The following THSD7B variants were observed in gnomAD, a reference collection of about 807,000 sequenced individuals.
THSD7B encodes thrombospondin type 1 domain containing 7B, also known as thrombospondin type-1 domain-containing protein 7B.
THSD7B carries 138 observed loss-of-function variants against 213.6 expected under a neutral mutation model. The observed-to-expected ratio is 0.65, with a 90% CI of 0.56 to 0.74. The LOEUF is 0.74. THSD7B is among the 30% of genes least tolerant of loss of function. The pLI is 0.00. For synonymous variants in THSD7B, 742 were observed against 687.0 expected, an observed-to-expected ratio of 1.08 and a Z score of -1.25; for missense variants, 1,931 against 1,991.5, an observed-to-expected ratio of 0.97 and a Z score of 0.58.
chr2:137,245,306 T>C (rs1682001920), intron 10 of THSD7B, among the ~76,000 whole-genome samples: 1 of 152,186 alleles, frequency 6.6e-6, no homozygotes, highest in Non-Finnish European at 1.5e-5. Flanking sequence ...TTCTAATTTG[T>C]AAAATGGAGG....
chr2:137,103,514 A>T (rs1688187261), intron 4 of THSD7B, among the ~76,000 whole-genome samples: 1 of 152,218 alleles, frequency 6.6e-6, no homozygotes, highest in African/African-American at 2.4e-5. Flanking sequence ...TAATGACAGG[A>T]TCAAATTCAT....
At chr2:137,297,146 A>C (rs1683485507) in intron 12 of THSD7B, among the ~76,000 whole-genome samples, 2 of 147,740 alleles carry the variant, frequency 1.4e-5, no homozygotes, top group Admixed American at 6.9e-5. Context: ...GGCCTGGAGT[A>C]GTGGCTTGCA....
chr2:137,609,697 T>C (rs1682252663), intron 17 of THSD7B, among the ~76,000 whole-genome samples: 1 of 152,208 alleles, frequency 6.6e-6, no homozygotes, highest in South Asian at 2.1e-4. Context: ...GGAAGTCATT[T>C]AAGGGTATGG....
chr2:136,974,369 GC>G lies in THSD7B; in HGVS notation c.140-82047del, dbSNP rs932207977. On this transcript the variant is annotated intron_variant, in intron 2 of 27. Transcript: ENST00000409968. ...CCCCTGAACCCCCCGCCCCGCACAG[GC>G]CCCAGATTGTGTTGTTCTCCTCCCT... Among the ~76,000 whole-genome samples the G allele has an allele frequency of 5.9e-5, 9 of 152,006 alleles. No homozygotes were observed. The Middle Eastern group carries it at 0.017, about 289-fold the overall frequency.
In THSD7B at chr2:137,558,882, C is replaced by T. The variant is rs534062604; in HGVS notation, c.3139-4339C>T. 2.0e-5 allele frequency among the ~76,000 whole-genome samples: 3 copies of T among 152,312 alleles called. No homozygotes were observed. The East Asian group carries it at 5.8e-4, about 29-fold the overall frequency. ...CCAGCAAAGTCTCAGGATACAAAATCAGTGTGCAAAAATCACAAGCATTCT... is the reference window on the plus strand; with the variant it reads ...CCAGCAAAGTCTCAGGATACAAAATTAGTGTGCAAAAATCACAAGCATTCT... On this transcript the variant is annotated intron_variant, in intron 15 of 27. Coordinates refer to ENST00000409968, the MANE Select transcript of THSD7B (RefSeq NM_001316349.2).
intron 1 of THSD7B, among the ~76,000 whole-genome samples, chr2:136,875,788 G>A (rs142827720): frequency 5.3e-5 from 8 of 152,286 alleles, no homozygotes; most frequent in African/African-American, 1.9e-4. Context: ...GAAAACCAAG[G>A]CTTATAGCAA....
chr2:137,404,545 T>A (rs1686463562), intron 12 of THSD7B, among the ~76,000 whole-genome samples: 1 of 107,042 alleles, frequency 9.3e-6, no homozygotes, highest in Admixed American at 1.1e-4. Flanking sequence ...TATACACACA[T>A]ACTATATATT....
intron 1 of THSD7B, among the ~76,000 whole-genome samples, chr2:136,833,946 A>T (rs1682802506): frequency 6.6e-6 from 1 of 152,026 alleles, no homozygotes; most frequent in South Asian, 2.1e-4. Flanking sequence ...ATCCCCATAG[A>T]TTTTTTTTGA....
intron 2 of THSD7B, among the ~76,000 whole-genome samples, chr2:136,975,146 T>C (rs893073796): frequency 2.6e-5 from 4 of 151,980 alleles, no homozygotes; most frequent in African/African-American, 7.3e-5. Flanking sequence ...ATTCTGTAGG[T>C]TGCCTGTTCA....
chr2:136,905,675 T>C (rs949820554), intron 2 of THSD7B, among the ~76,000 whole-genome samples: 4 of 152,228 alleles, frequency 2.6e-5, no homozygotes, highest in Admixed American at 6.5e-5. Flanking sequence ...CTATCAGGAA[T>C]AGTCTATCAC....
chr2:137,072,950 A>T (rs1008548699), intron 3 of THSD7B, among the ~76,000 whole-genome samples: 7 of 152,284 alleles, frequency 4.6e-5, no homozygotes, highest in African/African-American at 1.7e-4. Flanking sequence ...CCCAGGGATG[A>T]AGCCTACTTG....
In THSD7B at chr2:136,882,335, G is replaced by C; in HGVS notation, c.139+18G>C. ...GAAACCAGGTAGGAATGTCCTGGCTGTTCCTTTGTCCTATTTTCATTAACA... is the reference window on the plus strand; with the variant it reads ...GAAACCAGGTAGGAATGTCCTGGCTCTTCCTTTGTCCTATTTTCATTAACA... On this transcript the variant is annotated intron_variant, in intron 2 of 27. Coordinates refer to ENST00000409968, the MANE Select transcript of THSD7B (RefSeq NM_001316349.2). 6.6e-7 allele frequency: 1 copy of C among 1,508,622 alleles called. No individual in the cohort carries two copies. The highest frequency in any genetic ancestry group is 8.9e-7 in the Non-Finnish European group (1 of 1,129,074). 93.5% of individuals were successfully genotyped at this position (1,508,622 alleles called of 1,614,324 possible).
At chr2:137,175,266 G>A (rs549853030) in intron 7 of THSD7B, among the ~76,000 whole-genome samples, 148 of 152,104 alleles carry the variant, frequency 9.7e-4, no homozygotes, top group Middle Eastern at 3.4e-3. Context: ...TGCCAAATAG[G>A]CTATCTTGAA....
At chr2:137,262,865 G>A (rs1682485617) in intron 10 of THSD7B, among the ~76,000 whole-genome samples, 1 of 152,080 alleles carries the variant, frequency 6.6e-6, no homozygotes. Context: ...AGTAGGGTGG[G>A]GCACTAGGAA....
At chr2:137,252,280 A>AAC (rs1553482947) in intron 10 of THSD7B, among the ~76,000 whole-genome samples, 75 of 150,366 alleles carry the variant, frequency 5.0e-4, no homozygotes, top group African/African-American at 1.8e-3. Flanking sequence ...AAAAAAAAAA[A>AAC]AAAAAAAAAA....
intron 1 of THSD7B, among the ~76,000 whole-genome samples, chr2:136,875,315 G>T (rs184817181): frequency 6.6e-6 from 1 of 152,132 alleles, no homozygotes; most frequent in South Asian, 2.1e-4. Context: ...CCAGCTGCTC[G>T]GGAGGCTGAG....
At chr2:136,987,426 T>C (rs1434210856) in intron 2 of THSD7B, among the ~76,000 whole-genome samples, 3 of 152,122 alleles carry the variant, frequency 2.0e-5, no homozygotes, top group South Asian at 2.1e-4. Flanking sequence ...AAGTTAGCTG[T>C]AAATGGAAGA....
At chr2:137,058,664 C>T (rs546706753) in intron 3 of THSD7B, among the ~76,000 whole-genome samples, 1 of 152,244 alleles carries the variant, frequency 6.6e-6, no homozygotes, top group Non-Finnish European at 1.5e-5. Flanking sequence ...GTTCCCCTCC[C>T]CAAATTTATG....
At chr2:137,110,950 C>T (rs977175116) in intron 4 of THSD7B, among the ~76,000 whole-genome samples, 1 of 152,270 alleles carries the variant, frequency 6.6e-6, no homozygotes, top group Admixed American at 6.5e-5. Flanking sequence ...AGCCTAGGAG[C>T]AATATATACC....
Sources: gnomAD v4.1 joint callset for allele counts (sites outside exome capture counted in the v4.1 genomes callset) on GRCh38, gnomAD v4.1.1 for gene constraint, MANE v1.5 for transcripts, NCBI Gene and HGNC (gene_info 2026-07-23, HGNC 2026-07-21) for gene names.